The following ASTN2 variants were observed in gnomAD, a reference collection of about 807,000 sequenced individuals.
ASTN2 encodes astrotactin-2.
A neutral mutation model predicts 139.8 loss-of-function variants in ASTN2; 54 were observed. The ratio of observed to expected loss-of-function variants is 0.39; its 90% CI spans 0.31 to 0.48. The LOEUF is 0.48. Ranked by LOEUF, ASTN2 falls within the 20% of genes least tolerant of loss-of-function variation. ASTN2 has a pLI of 0.95. For synonymous variants in ASTN2, 756 were observed against 719.5 expected (o/e 1.05, Z -0.81); for missense variants, 1,565 against 1,725.1 (o/e 0.91, Z 1.64).
At chr9:116,452,543 A>G (rs918494731) in intron 20 of ASTN2, among the ~76,000 whole-genome samples, 2 of 152,340 alleles carry the variant, frequency 1.3e-5, no homozygotes, top group Non-Finnish European at 2.9e-5. Context: ...TCTGTATCAG[A>G]CACAGTGCTA....
intron 16 of ASTN2, among the ~76,000 whole-genome samples, chr9:116,724,882 TGCAGCCAGCCAGCCTTGGGTTCCAA>T (rs1828574189): frequency 6.6e-6 from 1 of 152,222 alleles, no homozygotes; most frequent in South Asian, 2.1e-4. Flanking sequence ...CATGGGCTTT[TGCAGCCAGCCAGCCTTGGGTTCCAA>T]TCCTGACCCT....
chr9:116,699,608 A>G lies in ASTN2; in HGVS notation c.2806+26163T>C. 6.2e-7 allele frequency: 1 copy of G among 1,614,212 alleles called. No individual in the cohort carries two copies. The highest frequency in any genetic ancestry group is 8.5e-7 in the Non-Finnish European group (1 of 1,180,028). On this transcript the variant is annotated intron_variant, in intron 16 of 22. Coordinates refer to ENST00000313400, the MANE Select transcript of ASTN2 (RefSeq NM_001365068.1). This position sits in a 1 kb window ranked among gnomAD's most constrained non-coding sequence, Gnocchi z 4.2. ...AGGGACTTACCTGTCCGGTGGGCAT[A>G]GCCCTAACTCCTAAGGGGCAGCTGC...
chr9:116,536,792 T>A (rs4489382), intron 19 of ASTN2, among the ~76,000 whole-genome samples: 75,666 of 145,836 alleles, frequency 0.52, 18,701 homozygotes, highest in African/African-American at 0.62. Flanking sequence ...CAGTTAGGCT[T>A]CTCAGGGGTC....
At chr9:117,063,933 C>G (rs1564408638) in intron 5 of ASTN2, among the ~76,000 whole-genome samples, 3 of 152,000 alleles carry the variant, frequency 2.0e-5, no homozygotes, top group African/African-American at 7.2e-5. Context: ...GTGACCCTAA[C>G]AAGCTCTCCT....
intron 10 of ASTN2, among the ~76,000 whole-genome samples, chr9:116,970,676 T>C (rs1393320987): frequency 6.6e-6 from 1 of 152,220 alleles, no homozygotes; most frequent in Non-Finnish European, 1.5e-5. Context: ...CAAGGAGACA[T>C]TCCTAATTCT....
At chr9:117,115,044 C>T (rs1191876773) in intron 4 of ASTN2, among the ~76,000 whole-genome samples, 1 of 152,138 alleles carries the variant, frequency 6.6e-6, no homozygotes, top group East Asian at 1.9e-4. Flanking sequence ...ACTGCCCAGC[C>T]AAGCCCTTTA....
chr9:117,152,357 T>C (rs1264661995), intron 3 of ASTN2, among the ~76,000 whole-genome samples: 1 of 152,172 alleles, frequency 6.6e-6, no homozygotes, highest in Non-Finnish European at 1.5e-5. Flanking sequence ...CATGTTCAAA[T>C]TTTACTATCC....
intron 3 of ASTN2, among the ~76,000 whole-genome samples, chr9:117,208,889 A>G (rs1832025697): frequency 6.6e-6 from 1 of 152,182 alleles, no homozygotes; most frequent in Non-Finnish European, 1.5e-5. Flanking sequence ...TCCTTCAGAA[A>G]TGAAGAAGAA....
chr9:117,395,616 C>T (rs1185007942), intron 1 of ASTN2, among the ~76,000 whole-genome samples: 3 of 152,146 alleles, frequency 2.0e-5, no homozygotes, highest in South Asian at 2.1e-4. Context: ...ACTCCCTTGA[C>T]GTCAGGAAAT....
At chr9:116,481,752 AC>A (rs1030330981) in intron 20 of ASTN2, among the ~76,000 whole-genome samples, 5 of 151,770 alleles carry the variant, frequency 3.3e-5, no homozygotes, top group African/African-American at 1.2e-4. Context: ...AAGTACCCCC[AC>A]CTCCCATCTA....
intron 11 of ASTN2, among the ~76,000 whole-genome samples, chr9:116,839,125 A>C (rs1312581656): frequency 6.6e-6 from 1 of 152,050 alleles, no homozygotes; most frequent in Admixed American, 6.5e-5. Context: ...CTCAAAAATT[A>C]TGGTAAATAT....
intron 3 of ASTN2, chr9:117,180,877 A>T (rs10983559): frequency 0.17 from 260,119 of 1,574,058 alleles, 23,221 homozygotes; most frequent in Non-Finnish European, 0.18. Context: ...AGGAAACTTG[A>T]ACTTGGCCCT....
chr9:116,617,081 A>C (rs1243753856), intron 19 of ASTN2, among the ~76,000 whole-genome samples: 1 of 152,204 alleles, frequency 6.6e-6, no homozygotes, highest in Non-Finnish European at 1.5e-5. Flanking sequence ...CTTTCAGTCA[A>C]TAATGTGGAA....
In ASTN2 at chr9:116,769,180, C is replaced by A. The variant is rs180696152; in HGVS notation, c.2397-35657G>T. On this transcript the variant is annotated intron_variant, in intron 13 of 22. Coordinates refer to ENST00000313400, the MANE Select transcript of ASTN2 (RefSeq NM_001365068.1). ...AAGTATCTAAAGAGGCAAAAGAAAA[C>A]CAGAAGTGTACTATACAGAGAAGTC... Among the ~76,000 whole-genome samples, 340 of 152,220 alleles carry A rather than the reference C, an allele frequency of 2.2e-3. 2 individuals carry two copies. Among genetic ancestry groups the A allele is most frequent in the African/African-American group, 5.5e-3 (227 of 41,538 alleles).
intron 3 of ASTN2, among the ~76,000 whole-genome samples, chr9:117,162,892 G>A (rs1209676577): frequency 6.6e-6 from 1 of 152,016 alleles, no homozygotes; most frequent in Non-Finnish European, 1.5e-5. Context: ...ATGGGAACAT[G>A]CATGCATCCA....
At chr9:117,362,555 A>C (rs1393364477) in intron 1 of ASTN2, among the ~76,000 whole-genome samples, 1 of 152,120 alleles carries the variant, frequency 6.6e-6, no homozygotes, top group Non-Finnish European at 1.5e-5. Context: ...TCCTATGGCC[A>C]GTCTCTATAA....
At chr9:117,183,458 G>C (rs1831123988) in intron 3 of ASTN2, among the ~76,000 whole-genome samples, 1 of 152,164 alleles carries the variant, frequency 6.6e-6, no homozygotes, top group Non-Finnish European at 1.5e-5. Flanking sequence ...TAATCATTTA[G>C]TCTTACATAA....
intron 4 of ASTN2, among the ~76,000 whole-genome samples, chr9:117,140,465 TG>T (rs1391464892): frequency 6.6e-6 from 1 of 151,488 alleles, no homozygotes; most frequent in Non-Finnish European, 1.5e-5. Context: ...GAAAAAAAAA[TG>T]GTTTGGAAAT....
intron 3 of ASTN2, among the ~76,000 whole-genome samples, chr9:117,192,907 T>A (rs992056329): frequency 2.0e-5 from 3 of 152,224 alleles, no homozygotes; most frequent in African/African-American, 7.2e-5. Context: ...TCATATAATG[T>A]TTATGAAGCC....
Sources: gnomAD v4.1 joint callset for allele counts (sites outside exome capture counted in the v4.1 genomes callset) on GRCh38, gnomAD v4.1.1 for gene constraint, Gnocchi (gnomAD v3.1) non-coding constraint, MANE v1.5 for transcripts, NCBI Gene and HGNC (gene_info 2026-07-23, HGNC 2026-07-21) for gene names.